PTPRG: variants seen among roughly 807,000 people sequenced by gnomAD.
PTPRG encodes protein tyrosine phosphatase receptor type G.
Under a neutral mutation model 165.3 loss-of-function variants are expected in PTPRG, and 102 were observed. That is an observed-to-expected ratio of 0.62 (90% CI 0.53 to 0.73). The LOEUF (loss-of-function observed/expected upper bound fraction) is 0.73. Among genes scored for constraint, PTPRG ranks in the 30% least tolerant of loss-of-function variants. The pLI is 0.00. For synonymous variants in PTPRG, 675 were observed against 669.5 expected, an observed-to-expected ratio of 1.01 and a Z score of -0.13; for missense variants, 1,866 against 1,861.4, an observed-to-expected ratio of 1.00 and a Z score of -0.05.
chr3:62,122,566 A>G (rs906592), intron 5 of PTPRG, among the ~76,000 whole-genome samples: 93,299 of 151,978 alleles, frequency 0.61, 28,869 homozygotes, highest in Non-Finnish European at 0.66. Context: ...ACTGCATAAC[A>G]CTCTGTGACT....
chr3:62,156,318 G>A (rs1704536303), intron 6 of PTPRG, among the ~76,000 whole-genome samples: 1 of 152,178 alleles, frequency 6.6e-6, no homozygotes, highest in South Asian at 2.1e-4. Flanking sequence ...CTTAGGAGCT[G>A]TGTGACCTTG....
chr3:62,021,722 A>G (rs1207242416), intron 4 of PTPRG, among the ~76,000 whole-genome samples: 2 of 152,182 alleles, frequency 1.3e-5, no homozygotes, highest in African/African-American at 2.4e-5. Context: ...GTAGCTTTAT[A>G]TGTCAGCTCT....
rs766601711 is a variant in PTPRG, at chr3:62,168,181, G to C, written c.1033+18G>C. On this transcript the variant is annotated intron_variant, in intron 8 of 29. Coordinates refer to ENST00000474889, the MANE Select transcript of PTPRG (RefSeq NM_002841.4). ...CTCTAAAGGTATATTTGGCTTAAGT[G>C]CCTTGCCCAGAGGAAGATTCCTTAT... 6.3e-7 allele frequency: 1 copy of C among 1,582,724 alleles called. No individual in the cohort carries two copies. The highest frequency in any genetic ancestry group is 1.2e-5 in the South Asian group (1 of 86,854).
chr3:61,847,181 C>T (rs2036831065), intron 2 of PTPRG, among the ~76,000 whole-genome samples: 1 of 152,036 alleles, frequency 6.6e-6, no homozygotes, highest in Non-Finnish European at 1.5e-5. Context: ...GTAGAATGGG[C>T]ACCTAATCCA....
chr3:61,881,664 T>C (rs1203972677), intron 2 of PTPRG, among the ~76,000 whole-genome samples: 1 of 152,196 alleles, frequency 6.6e-6, no homozygotes, highest in East Asian at 1.9e-4. Flanking sequence ...AAAGAACACT[T>C]TCCTCAAATA....
chr3:61,662,283 C>T (rs1360085297), intron 1 of PTPRG, among the ~76,000 whole-genome samples: 1 of 152,170 alleles, frequency 6.6e-6, no homozygotes, highest in Non-Finnish European at 1.5e-5. Context: ...AAGAGACTTT[C>T]TGTCTTGGAT....
At position 62,254,501 on chromosome 3, in the gene PTPRG, C is replaced by G. The variant is rs917125519; in HGVS notation, c.2468-623C>G. Among the ~76,000 whole-genome samples the G allele has an allele frequency of 2.0e-5, 3 of 152,012 alleles. No individual in the cohort carries two copies. Among genetic ancestry groups the G allele is most frequent in the African/African-American group, 7.2e-5 (3 of 41,390 alleles). Reference sequence around the variant, plus strand: ...CGAATCTATACCTAGTCTGTCAACACCAAAAAAATCCAGTTAATTCAGTCA... The same window carrying G: ...CGAATCTATACCTAGTCTGTCAACAGCAAAAAAATCCAGTTAATTCAGTCA... On this transcript the variant is annotated intron_variant, in intron 15 of 29. Coordinates refer to ENST00000474889, the MANE Select transcript of PTPRG (RefSeq NM_002841.4). The surrounding 1 kb of genome is among the most constrained non-coding windows in gnomAD (Gnocchi z 4.6).
chr3:61,649,452 C>G (rs949916536), intron 1 of PTPRG, among the ~76,000 whole-genome samples: 7 of 152,156 alleles, frequency 4.6e-5, no homozygotes, highest in Non-Finnish European at 8.8e-5. Flanking sequence ...CTTATTGATG[C>G]ATCCTCTAAG....
chr3:62,076,756 T>A (rs1701402320), intron 4 of PTPRG, among the ~76,000 whole-genome samples: 1 of 139,622 alleles, frequency 7.2e-6, no homozygotes, highest in African/African-American at 3.4e-5. Flanking sequence ...TAATTTTGTA[T>A]TTTTTGTAGG....
intron 2 of PTPRG, among the ~76,000 whole-genome samples, chr3:61,918,091 A>G (rs977498407): frequency 6.6e-6 from 1 of 152,206 alleles, no homozygotes; most frequent in Non-Finnish European, 1.5e-5. Flanking sequence ...TTTTTCCCCT[A>G]TAACTTGGTC....
At chr3:62,051,375 C>G (rs1305075699) in intron 4 of PTPRG, among the ~76,000 whole-genome samples, 1 of 152,154 alleles carries the variant, frequency 6.6e-6, no homozygotes, top group African/African-American at 2.4e-5. Context: ...TTTCAGCAAG[C>G]CTCCCAGTGA....
intron 2 of PTPRG, among the ~76,000 whole-genome samples, chr3:61,949,734 T>C (rs1054458115): frequency 1.3e-5 from 1 of 76,208 alleles, no homozygotes; most frequent in Admixed American, 1.3e-4. Context: ...TCTTTGTTTT[T>C]TTTTTTTTTG....
intron 1 of PTPRG, among the ~76,000 whole-genome samples, chr3:61,565,772 C>A (rs1699897170): frequency 6.6e-6 from 1 of 151,148 alleles, no homozygotes; most frequent in South Asian, 2.1e-4. Context: ...TTGGAGGCTC[C>A]ATGATTAATG....
intron 4 of PTPRG, among the ~76,000 whole-genome samples, chr3:62,016,983 T>C (rs1460329444): frequency 6.6e-6 from 1 of 152,214 alleles, no homozygotes; most frequent in African/African-American, 2.4e-5. Context: ...TTTTTGAAGT[T>C]ATTTACTTAT....
In PTPRG at chr3:62,173,222, T is replaced by C. The variant is rs912019649; in HGVS notation, c.1033+5059T>C. 2.0e-5 allele frequency among the ~76,000 whole-genome samples: 3 copies of C among 152,202 alleles called. No homozygotes were observed. In the South Asian group the frequency reaches 6.2e-4, roughly 31 times the overall value. ...TCTACTGATTTTTGTTTGTACTGTT[T>C]TTTATTGTTATATTGCTATTTTTTA... On this transcript the variant is annotated intron_variant, in intron 8 of 29. Coordinates refer to ENST00000474889, the MANE Select transcript of PTPRG (RefSeq NM_002841.4).
At chr3:61,950,334 T>A (rs1437066082) in intron 2 of PTPRG, among the ~76,000 whole-genome samples, 3 of 152,174 alleles carry the variant, frequency 2.0e-5, no homozygotes, top group Non-Finnish European at 2.9e-5. Flanking sequence ...GCCTCCAAAT[T>A]GTCTTTTTCT....
At chr3:61,842,410 G>C (rs1206665950) in intron 2 of PTPRG, among the ~76,000 whole-genome samples, 1 of 152,114 alleles carries the variant, frequency 6.6e-6, no homozygotes, top group Non-Finnish European at 1.5e-5. Flanking sequence ...CTGCACCTTC[G>C]AAAGTACCAG....
At chr3:62,048,668 A>T (rs894383153) in intron 4 of PTPRG, among the ~76,000 whole-genome samples, 2 of 152,164 alleles carry the variant, frequency 1.3e-5, no homozygotes, top group Middle Eastern at 3.2e-3. Flanking sequence ...GTATACGGAG[A>T]TTGGAGTAAA....
intron 1 of PTPRG, among the ~76,000 whole-genome samples, chr3:61,625,253 A>G (rs961627957): frequency 6.6e-6 from 1 of 151,414 alleles, no homozygotes; most frequent in Admixed American, 6.6e-5. Flanking sequence ...GACCCATCAC[A>G]GTACATACGT....
Sources: allele counts gnomAD v4.1 joint callset (sites outside exome capture counted in the v4.1 genomes callset), GRCh38; gene constraint gnomAD v4.1.1; non-coding constraint Gnocchi (gnomAD v3.1); transcripts MANE v1.5; gene names NCBI Gene and HGNC (gene_info 2026-07-23, HGNC 2026-07-21).